Variants in DERA observed in about 807,000 individuals in gnomAD.
DERA encodes 2-deoxy-D-ribose 5-phosphate aldolase.
Under a neutral mutation model 41.1 loss-of-function variants are expected in DERA, and 15 were observed. The ratio of observed to expected loss-of-function variants is 0.37; its 90% CI spans 0.24 to 0.56. The LOEUF is 0.56. Ranked by LOEUF, DERA falls within the 20% of genes least tolerant of loss-of-function variation. The pLI is 0.81. For missense variants in DERA, 396 were observed against 403.4 expected (o/e 0.98, Z 0.16); for synonymous variants, 139 against 137.4 (o/e 1.01, Z -0.08).
intron 6 of DERA, among the ~76,000 whole-genome samples, chr12:16,025,069 T>C (rs1047712092): frequency 1.3e-5 from 2 of 151,984 alleles, no homozygotes; most frequent in African/African-American, 4.8e-5. Flanking sequence ...TGTACAAAAG[T>C]ATGATTGATA....
In DERA at chr12:15,989,684, A is replaced by C. The variant is rs578028944; in HGVS notation, c.637+7248A>C. On this transcript the variant is annotated intron_variant, in intron 6 of 8. Transcript: ENST00000428559. The surrounding 1 kb of genome is among the most constrained non-coding windows in gnomAD (Gnocchi z 5.2). ...CCATTAATTTAGAATCAGAATCTCA[A>C]AGGGAAACCATTTGTCATTACATTC... 4.6e-5 allele frequency among the ~76,000 whole-genome samples: 7 copies of C among 152,326 alleles called. No individual in the cohort carries two copies. The highest frequency in any genetic ancestry group is 1.7e-4 in the African/African-American group (7 of 41,574).
rs933246949 is a variant in DERA, at chr12:15,922,208, T to C, written c.31+10794T>C. Among the ~76,000 whole-genome samples, 2 of 152,166 alleles carry C rather than the reference T, an allele frequency of 1.3e-5. No individual in the cohort carries two copies. The highest frequency in any genetic ancestry group is 2.9e-5 in the Non-Finnish European group (2 of 68,022). ...TTAAAATATCCCCGGGGAAGTACGC[T>C]GCCTTATTCTTGTCAAGGAAAGCAA... On this transcript the variant is annotated intron_variant, in intron 1 of 8. Transcript: ENST00000428559. The surrounding 1 kb of genome is among the most constrained non-coding windows in gnomAD (Gnocchi z 4.9).
intron 1 of DERA, chr12:15,956,470 A>T (rs1948539495): frequency 3.2e-6 from 1 of 309,852 alleles, no homozygotes; most frequent in Non-Finnish European, 6.2e-6. Flanking sequence ...GTAGGTATTA[A>T]TCTTGCCAGT....
intron 5 of DERA, among the ~76,000 whole-genome samples, chr12:15,977,580 G>T (rs1948706289): frequency 6.6e-6 from 1 of 152,196 alleles, no homozygotes; most frequent in African/African-American, 2.4e-5. Flanking sequence ...AGCCTCCAGA[G>T]AGTAGCTGGG....
chr12:15,938,499 C>T lies in DERA; in HGVS notation c.32-18437C>T, dbSNP rs1948387727. Among the ~76,000 whole-genome samples the T allele has an allele frequency of 6.6e-6, 1 of 152,126 alleles. No individual in the cohort carries two copies. Among genetic ancestry groups the T allele is most frequent in the African/African-American group, 2.4e-5 (1 of 41,438 alleles). On this transcript the variant is annotated intron_variant, in intron 1 of 8. Coordinates refer to ENST00000428559, the MANE Select transcript of DERA (RefSeq NM_015954.4). This position sits in a 1 kb window ranked among gnomAD's most constrained non-coding sequence, Gnocchi z 4.1. ...TACTCTGCTTTAATAAGCTTCTTAGCTGTATCAATCTATGTGTCTAAGTTG... is the reference window on the plus strand; with the variant it reads ...TACTCTGCTTTAATAAGCTTCTTAGTTGTATCAATCTATGTGTCTAAGTTG...
chr12:15,970,298 C>T lies in DERA; in HGVS notation c.508+7351C>T, dbSNP rs767996115. On this transcript the variant is annotated intron_variant, in intron 5 of 8. Transcript: ENST00000428559. The surrounding 1 kb of genome is among the most constrained non-coding windows in gnomAD (Gnocchi z 4.3). ...GTTCGTTAACAATTATTTTTAAGTG[C>T]CTTTGAATAGCAGGAAATATAGAAG... 9.2e-5 allele frequency among the ~76,000 whole-genome samples: 14 copies of T among 152,222 alleles called. No individual in the cohort carries two copies. Among genetic ancestry groups the T allele is most frequent in the Non-Finnish European group, 1.6e-4 (11 of 68,010 alleles).
rs1372998901 is a variant in DERA, at chr12:15,928,192, T to G, written c.31+16778T>G. Reference sequence around the variant, plus strand: ...TTTTGAAACATACATGAGTATTAACTGTAGCTACCATGCTGTGCAGTAGAT... The same window carrying G: ...TTTTGAAACATACATGAGTATTAACGGTAGCTACCATGCTGTGCAGTAGAT... On this transcript the variant is annotated intron_variant, in intron 1 of 8. Coordinates refer to ENST00000428559, the MANE Select transcript of DERA (RefSeq NM_015954.4). This position sits in a 1 kb window ranked among gnomAD's most constrained non-coding sequence, Gnocchi z 4.6. Among the ~76,000 whole-genome samples the G allele has an allele frequency of 3.3e-5, 5 of 152,224 alleles. No homozygotes were observed. The highest frequency in any genetic ancestry group is 2.6e-4 in the Admixed American group (4 of 15,286).
intron 1 of DERA, among the ~76,000 whole-genome samples, chr12:15,926,480 T>C (rs1193778678): frequency 6.6e-6 from 1 of 152,062 alleles, no homozygotes; most frequent in African/African-American, 2.4e-5. Flanking sequence ...CTCACGCCTG[T>C]AATCCCAGCA....
Position 15,992,323 on chromosome 12 carries a change from T to C in DERA, c.637+9887T>C, listed in dbSNP as rs1948807722. Among the ~76,000 whole-genome samples, 1 of 152,158 alleles carries C rather than the reference T, an allele frequency of 6.6e-6. No homozygotes were observed. The highest frequency in any genetic ancestry group is 6.5e-5 in the Admixed American group (1 of 15,278). On this transcript the variant is annotated intron_variant, in intron 6 of 8. Coordinates refer to ENST00000428559, the MANE Select transcript of DERA (RefSeq NM_015954.4). The surrounding 1 kb of genome is among the most constrained non-coding windows in gnomAD (Gnocchi z 4.3). Reference sequence around the variant, plus strand: ...AATCTTGTAGAATTTGAACATGTTATTTTAGAGGGCAACTCTTATTTTAGT... The same window carrying C: ...AATCTTGTAGAATTTGAACATGTTACTTTAGAGGGCAACTCTTATTTTAGT...
In DERA at chr12:15,965,944, A is replaced by C. The variant is rs941104951; in HGVS notation, c.508+2997A>C. Among the ~76,000 whole-genome samples the C allele has an allele frequency of 6.6e-6, 1 of 152,116 alleles. No individual in the cohort carries two copies. Among genetic ancestry groups the C allele is most frequent in the Non-Finnish European group, 1.5e-5 (1 of 68,028 alleles). On this transcript the variant is annotated intron_variant, in intron 5 of 8. Transcript: ENST00000428559. The surrounding 1 kb of genome is among the most constrained non-coding windows in gnomAD (Gnocchi z 4.1). The stretch of plus-strand genomic sequence containing the variant: ...TGGGCATTCTTTCTTCCGTGTCATC[A>C]GCCTTTCTGCCAGCTCATTCCCATT...
At chr12:16,007,367 T>C (rs138651318) in intron 6 of DERA, among the ~76,000 whole-genome samples, 1 of 152,174 alleles carries the variant, frequency 6.6e-6, no homozygotes, top group African/African-American at 2.4e-5. Context: ...TATTTTTAGT[T>C]GAAATGGTGT....
intron 1 of DERA, among the ~76,000 whole-genome samples, chr12:15,925,851 A>G (rs1184925374): frequency 1.7e-5 from 2 of 116,716 alleles, no homozygotes; most frequent in African/African-American, 3.6e-5. Context: ...TTTTTGAGAC[A>G]GAGTCTTACT....
intron 7 of DERA, among the ~76,000 whole-genome samples, chr12:16,033,451 GT>G (rs375974080): frequency 1.6e-4 from 24 of 152,242 alleles, no homozygotes; most frequent in African/African-American, 5.8e-4. Context: ...AACATATGAA[GT>G]TAAAAGGAAA....
At chr12:15,947,336 G>A (rs964335590) in intron 1 of DERA, among the ~76,000 whole-genome samples, 12 of 152,200 alleles carry the variant, frequency 7.9e-5, no homozygotes, top group African/African-American at 2.9e-4. Flanking sequence ...TATTGTGTGG[G>A]AGTCTGAGTC....
intron 1 of DERA, among the ~76,000 whole-genome samples, chr12:15,947,276 C>T (rs1046168913): frequency 2.0e-5 from 3 of 152,130 alleles, no homozygotes; most frequent in African/African-American, 7.2e-5. Flanking sequence ...AACTTTCTGT[C>T]TCGTTGATCT....
At position 15,989,629 on chromosome 12, in the gene DERA, T is replaced by C. The variant is rs189157157; in HGVS notation, c.637+7193T>C. Reference sequence around the variant, plus strand: ...GGGCGAGTCTGGTGACATTCTGTTATGTCTGTTATTCTTCTCTGTTTTTGT... The same window carrying C: ...GGGCGAGTCTGGTGACATTCTGTTACGTCTGTTATTCTTCTCTGTTTTTGT... On this transcript the variant is annotated intron_variant, in intron 6 of 8. Coordinates refer to ENST00000428559, the MANE Select transcript of DERA (RefSeq NM_015954.4). This position sits in a 1 kb window ranked among gnomAD's most constrained non-coding sequence, Gnocchi z 5.2. 7.9e-5 allele frequency among the ~76,000 whole-genome samples: 12 copies of C among 152,374 alleles called. No individual in the cohort carries two copies. In the East Asian group the frequency reaches 1.9e-3, roughly 24 times the overall value.
rs1592050449 is a variant in DERA, at chr12:16,013,712, A to T, written c.638-18830A>T. Among the ~76,000 whole-genome samples the T allele has an allele frequency of 6.6e-6, 1 of 152,254 alleles. No homozygotes were observed. Among genetic ancestry groups the T allele is most frequent in the Admixed American group, 6.5e-5 (1 of 15,290 alleles). On this transcript the variant is annotated intron_variant, in intron 6 of 8. Transcript: ENST00000428559. The surrounding 1 kb of genome is among the most constrained non-coding windows in gnomAD (Gnocchi z 5.8). ...GCGGAAGCAACTTTGGAACTGGTTA[A>T]CAGGAAGAGGTTGGAACAGTTTGGA...
At position 15,918,295 on chromosome 12, in the gene DERA, C is replaced by T. The variant is rs1055659071; in HGVS notation, c.31+6881C>T. Among the ~76,000 whole-genome samples the T allele has an allele frequency of 5.9e-5, 9 of 152,162 alleles. No homozygotes were observed. The highest frequency in any genetic ancestry group is 2.2e-4 in the African/African-American group (9 of 41,436). On this transcript the variant is annotated intron_variant, in intron 1 of 8. Coordinates refer to ENST00000428559, the MANE Select transcript of DERA (RefSeq NM_015954.4). The surrounding 1 kb of genome is among the most constrained non-coding windows in gnomAD (Gnocchi z 4.3). ...TGTGGACCTCTGTGCCCGGCCGCCTCGCCTCCCTCTGCAGGTGGATACCCT... is the reference window on the plus strand; with the variant it reads ...TGTGGACCTCTGTGCCCGGCCGCCTTGCCTCCCTCTGCAGGTGGATACCCT...
chr12:15,987,071 A>C (rs1380332609), intron 6 of DERA, among the ~76,000 whole-genome samples: 1 of 152,006 alleles, frequency 6.6e-6, no homozygotes, highest in African/African-American at 2.4e-5. Flanking sequence ...ATGGTCAATC[A>C]ATATTTTCCT....
Sources: gnomAD v4.1 joint callset for allele counts (sites outside exome capture counted in the v4.1 genomes callset) on GRCh38, gnomAD v4.1.1 for gene constraint, Gnocchi (gnomAD v3.1) non-coding constraint, MANE v1.5 for transcripts, NCBI Gene and HGNC (gene_info 2026-07-23, HGNC 2026-07-21) for gene names.